The following TMEM131 variants were observed in gnomAD, a reference collection of about 807,000 sequenced individuals.
TMEM131 encodes 2610524E03Rik.
A neutral mutation model predicts 211.6 loss-of-function variants in TMEM131; 66 were observed. The observed-to-expected ratio is 0.31, with a 90% CI of 0.26 to 0.38. TMEM131 has a LOEUF of 0.38. Ranked by LOEUF, TMEM131 falls within the 10% of genes least tolerant of loss-of-function variation. The pLI is 1.00. For missense variants in TMEM131, 2,036 were observed against 2,299.3 expected, an observed-to-expected ratio of 0.89 and a Z score of 2.34; for synonymous variants, 844 against 841.3, an observed-to-expected ratio of 1.00 and a Z score of -0.06.
At position 97,833,406 on chromosome 2, in the gene TMEM131, G is replaced by T; in HGVS notation, c.1033C>A (p.Leu345Ile). Reference protein sequence around the residue: ...RTQDLPKVLNLHLLNSGTKDV... With the variant: ...RTQDLPKVLNIHLLNSGTKDV... Reference sequence around the variant, plus strand: ...TTTGTTCCTGAATTTAATAAATGAAGGTTTAAAACTTTTGGTAGATCTGTT... The same window carrying T: ...TTTGTTCCTGAATTTAATAAATGAATGTTTAAAACTTTTGGTAGATCTGTT... Residue 345 changes from leucine (L) to isoleucine (I), a missense_variant, in exon 11 of 41, where the codon CTT (leucine) becomes ATT (isoleucine). By Grantham distance (5) the Leu-to-Ile change is conservative. Around this residue, in one of 3 missense-constraint regions of TMEM131, gnomAD observed 277 missense variants for 378.0 expected, o/e 0.73. Transcript: ENST00000186436. The T allele has an allele frequency of 7.4e-7, 1 of 1,351,426 alleles. No individual in the cohort carries two copies. Among genetic ancestry groups the T allele is most frequent in the Non-Finnish European group, 1.0e-6 (1 of 974,694 alleles). The allele number at this position is 1,351,426 out of a possible 1,614,324, so 83.7% of individuals were successfully genotyped here. A position where few individuals can be genotyped will look rare whatever the true frequency, so the allele number is the denominator to read the frequency against.
At chr2:97,879,318 T>C (rs1674826702) in intron 4 of TMEM131, among the ~76,000 whole-genome samples, 1 of 152,224 alleles carries the variant, frequency 6.6e-6, no homozygotes, top group African/African-American at 2.4e-5. Flanking sequence ...AGCAAGTGAA[T>C]GCTGTTGTTC....
chr2:97,797,328 A>G, intron 26 of TMEM131, 37 bp downstream of exon 26: 2 of 1,523,898 alleles, frequency 1.3e-6, no homozygotes, highest in Non-Finnish European at 1.8e-6. Context: ...CTAAGTAAGT[A>G]GTAAAAATGA....
chr2:97,892,819 C>T (rs1443775148), intron 3 of TMEM131, among the ~76,000 whole-genome samples: 2 of 152,028 alleles, frequency 1.3e-5, no homozygotes, highest in African/African-American at 2.4e-5. Flanking sequence ...TTAATTGTGG[C>T]GATGGTGTGA....
At position 97,989,662 on chromosome 2, in the gene TMEM131, A is replaced by G. The variant is rs182790778; in HGVS notation, c.187+5814T>C. Among the ~76,000 whole-genome samples, 78 of 152,300 alleles carry G rather than the reference A, an allele frequency of 5.1e-4. 1 individual carries two copies. The highest frequency in any genetic ancestry group is 1.8e-3 in the African/African-American group (74 of 41,544). On this transcript the variant is annotated intron_variant, in intron 1 of 40. Transcript: ENST00000186436. The stretch of plus-strand genomic sequence containing the variant: ...AATAAATAAATGAAAATAAATAAAA[A>G]CGTAGGTTTCATACTCTATCATGAC...
chr2:97,801,733 C>T (rs1222129566), intron 25 of TMEM131, among the ~76,000 whole-genome samples, 162 bp downstream of exon 25: 2 of 152,170 alleles, frequency 1.3e-5, no homozygotes, highest in African/African-American at 2.4e-5. Context: ...ACCTACTCTT[C>T]CTGATTTATT....
At position 97,844,219 on chromosome 2, in the gene TMEM131, GA is replaced by G; in HGVS notation, c.525del (p.Ala177GlnfsTer3). On this transcript the variant is annotated frameshift_variant, in exon 6 of 41. Coordinates refer to ENST00000186436, the MANE Select transcript of TMEM131 (RefSeq NM_015348.2). LOFTEE classifies it high-confidence loss of function. The stretch of plus-strand genomic sequence containing the variant: ...TCTACATTTCCTACTACTCTTGCAA[GA>G]AAAACTACATCAAATGATGTATTTC... ...PGGNTSFDVV[F>X]LARVVGNVEN... 1 of 1,329,388 alleles carries G rather than the reference GA, an allele frequency of 7.5e-7. No homozygotes were observed. Among genetic ancestry groups the G allele is most frequent in the East Asian group, 2.7e-5 (1 of 36,494 alleles). The allele number at this position is 1,329,388 out of a possible 1,614,324, so 82.3% of individuals were successfully genotyped here. A position where few individuals can be genotyped will look rare whatever the true frequency, so the allele number is the denominator to read the frequency against.
At chr2:97,989,723 C>T (rs1680181172) in intron 1 of TMEM131, among the ~76,000 whole-genome samples, 1 of 152,218 alleles carries the variant, frequency 6.6e-6, no homozygotes, top group Admixed American at 6.5e-5. Flanking sequence ...CATCAAACCT[C>T]TGCCCTAAAA....
intron 31 of TMEM131, among the ~76,000 whole-genome samples, chr2:97,785,831 A>G (rs1454365728): frequency 1.3e-5 from 2 of 152,242 alleles, no homozygotes; most frequent in African/African-American, 4.8e-5. Context: ...ACTACTATTC[A>G]GCAATAAAAA....
intron 2 of TMEM131, among the ~76,000 whole-genome samples, chr2:97,910,228 A>C (rs1423111717): frequency 6.7e-6 from 1 of 148,662 alleles, no homozygotes; most frequent in Admixed American, 6.7e-5. Flanking sequence ...AAAGAAAATA[A>C]GGATCTTTGG....
rs1573408139 is a variant in TMEM131, at chr2:97,818,713, T to C, written c.1083A>G (p.Arg361=). 6.3e-7 allele frequency: 1 copy of C among 1,598,310 alleles called. No homozygotes were observed. Among genetic ancestry groups the C allele is most frequent in the Non-Finnish European group, 8.5e-7 (1 of 1,169,786 alleles). Residue 361 remains arginine (R), a synonymous_variant, in exon 12 of 41, where the codon CGA becomes CGG. Transcript: ENST00000186436. ...TTATAGCATCATTTTGTGGTGTAGG[T>C]CGAACACTCTGCAAAGAGAACAAAA... ...GTKDVPITSV[R]PTPQNDAITV... is the part of the protein sequence containing the mutation.
intron 11 of TMEM131, among the ~76,000 whole-genome samples, chr2:97,824,886 G>A (rs1052475743): frequency 1.3e-5 from 2 of 152,240 alleles, no homozygotes; most frequent in African/African-American, 4.8e-5. Context: ...CGAATGGTCA[G>A]TGGAGATCTT....
chr2:97,790,300 T>C (rs1195308702), intron 31 of TMEM131, among the ~76,000 whole-genome samples: 2 of 152,078 alleles, frequency 1.3e-5, no homozygotes, highest in Non-Finnish European at 2.9e-5. Context: ...TATACTTCAA[T>C]AAAAACATTG....
At chr2:97,783,033 A>T (rs1198864938) in intron 31 of TMEM131, among the ~76,000 whole-genome samples, 1 of 152,066 alleles carries the variant, frequency 6.6e-6, no homozygotes, top group Non-Finnish European at 1.5e-5. Context: ...AAGATGCATT[A>T]TAATCAAACT....
At chr2:97,936,723 C>T (rs1365846990) in intron 1 of TMEM131, among the ~76,000 whole-genome samples, 3 of 152,086 alleles carry the variant, frequency 2.0e-5, no homozygotes, top group Admixed American at 6.5e-5. Flanking sequence ...CCAGAGTTGC[C>T]ACCTTATATG....
At chr2:97,796,031 T>C (rs1432400427) in intron 28 of TMEM131, among the ~76,000 whole-genome samples, 187 bp downstream of exon 28, 2 of 151,902 alleles carry the variant, frequency 1.3e-5, no homozygotes, top group South Asian at 2.1e-4. Context: ...TAACCAAAGA[T>C]TAAGTGAAAA....
chr2:97,966,001 T>C (rs1404905498), intron 1 of TMEM131, among the ~76,000 whole-genome samples: 1 of 151,870 alleles, frequency 6.6e-6, no homozygotes, highest in African/African-American at 2.4e-5. Context: ...AAGCAAAGCC[T>C]AGAAACAAAA....
In TMEM131 at chr2:97,766,506, G is replaced by C. The variant is rs1349552297; in HGVS notation, c.4545C>G (p.Ser1515=). The C allele has an allele frequency of 6.2e-7, 1 of 1,613,976 alleles. No individual in the cohort carries two copies. Among genetic ancestry groups the C allele is most frequent in the Non-Finnish European group, 8.5e-7 (1 of 1,179,890 alleles). ...TTGTTTTCTGGGCATTTCGTGATTT[G>C]GATCCACTTGTCATTGCAGTTGGAA... The part of the protein sequence containing the change: ...IPLPTAMTSG[S]KSRNAQKTKG... The change falls in exon 34 of 41, where the codon TCC becomes TCG. Residue 1515 remains serine (S), a synonymous_variant. Coordinates refer to ENST00000186436, the MANE Select transcript of TMEM131 (RefSeq NM_015348.2).
At chr2:97,867,507 T>C (rs1053446674) in intron 4 of TMEM131, among the ~76,000 whole-genome samples, 16 of 152,212 alleles carry the variant, frequency 1.1e-4, no homozygotes, top group African/African-American at 3.6e-4. Context: ...CCCCTAGTGA[T>C]GCCCTGCTGT....
intron 19 of TMEM131, among the ~76,000 whole-genome samples, chr2:97,806,251 C>T (rs1290715019): frequency 6.6e-6 from 1 of 152,134 alleles, no homozygotes; most frequent in Non-Finnish European, 1.5e-5. Context: ...TAAAACAGTA[C>T]ACAAGCTGGG....
Sources: allele counts gnomAD v4.1 joint callset (sites outside exome capture counted in the v4.1 genomes callset), GRCh38; gene constraint gnomAD v4.1.1; regional missense constraint gnomAD v4.1.1; transcripts MANE v1.5; gene names NCBI Gene and HGNC (gene_info 2026-07-23, HGNC 2026-07-21).